Variants in PTPRE observed in about 807,000 individuals in gnomAD.
PTPRE encodes receptor-type tyrosine-protein phosphatase epsilon.
PTPRE carries 51 observed loss-of-function variants against 102.0 expected under a neutral mutation model. That is an observed-to-expected ratio of 0.50 (90% CI 0.40 to 0.63). The LOEUF is 0.63. Ranked by LOEUF, PTPRE falls within the 30% of genes least tolerant of loss-of-function variation. PTPRE has a pLI of 0.00. For missense variants in PTPRE, 752 were observed against 915.1 expected, an observed-to-expected ratio of 0.82 and a Z score of 2.30; for synonymous variants, 345 against 348.2, an observed-to-expected ratio of 0.99 and a Z score of 0.10.
chr10:127,910,189 C>T (rs1015402309), intron 1 of PTPRE, among the ~76,000 whole-genome samples: 2 of 152,202 alleles, frequency 1.3e-5, no homozygotes, highest in African/African-American at 4.8e-5. Context: ...CTAAGAACAT[C>T]TCTAGTTTTT....
At chr10:127,997,688 A>G (rs1329999787) in intron 2 of PTPRE, among the ~76,000 whole-genome samples, 1 of 152,264 alleles carries the variant, frequency 6.6e-6, no homozygotes, top group East Asian at 1.9e-4. Context: ...TCAAAAATGA[A>G]TATGGCAAAA....
At chr10:128,052,970 C>T (rs904309724) in intron 6 of PTPRE, among the ~76,000 whole-genome samples, 12 of 152,108 alleles carry the variant, frequency 7.9e-5, no homozygotes, top group Admixed American at 1.3e-4. Context: ...ATCTCTAGGC[C>T]GGGTGTGGTG....
At chr10:128,002,000 G>A (rs1242747643) in intron 2 of PTPRE, among the ~76,000 whole-genome samples, 1 of 152,200 alleles carries the variant, frequency 6.6e-6, no homozygotes, top group Non-Finnish European at 1.5e-5. Context: ...ATCTCTGCAG[G>A]CTGGAGGGCT....
intron 7 of PTPRE, among the ~76,000 whole-genome samples, chr10:128,058,560 T>C (rs1849218114): frequency 6.6e-6 from 1 of 152,186 alleles, no homozygotes; most frequent in African/African-American, 2.4e-5. Flanking sequence ...ATGGAGACGC[T>C]GTGGCCTGGC....
At chr10:127,934,024 G>GCGCACACA (rs1357914217) in intron 1 of PTPRE, 88 of 82,346 alleles carry the variant, frequency 1.1e-3, no homozygotes, top group African/African-American at 3.8e-3. Context: ...CACCCCCCGC[G>GCGCACACA]CACACACACA....
chr10:128,035,497 A>T (rs966019758), intron 2 of PTPRE, among the ~76,000 whole-genome samples: 3 of 152,184 alleles, frequency 2.0e-5, no homozygotes, highest in Non-Finnish European at 4.4e-5. Context: ...ATTACATGGG[A>T]CCCATTCCAG....
At chr10:128,035,649 C>T (rs892573577) in intron 2 of PTPRE, among the ~76,000 whole-genome samples, 4 of 152,154 alleles carry the variant, frequency 2.6e-5, no homozygotes, top group South Asian at 2.1e-4. Context: ...GTGATGGGTT[C>T]GGGCTGCAGA....
intron 1 of PTPRE, among the ~76,000 whole-genome samples, chr10:127,968,545 G>T (rs1375709771): frequency 6.6e-6 from 1 of 152,204 alleles, no homozygotes; most frequent in Non-Finnish European, 1.5e-5. Context: ...TCTGCAGATC[G>T]TTCTTTCTGG....
chr10:128,003,827 C>A (rs976181835), intron 2 of PTPRE, among the ~76,000 whole-genome samples: 1 of 152,072 alleles, frequency 6.6e-6, no homozygotes, highest in Admixed American at 6.5e-5. Flanking sequence ...ATGATTAATA[C>A]AGAAAGGAAC....
intron 2 of PTPRE, among the ~76,000 whole-genome samples, chr10:128,032,896 T>C (rs1846891222): frequency 6.6e-6 from 1 of 152,234 alleles, no homozygotes; most frequent in African/African-American, 2.4e-5. Context: ...TATGTTTCAA[T>C]AGAACTTTCT....
chr10:128,069,606 C>T lies in PTPRE; in HGVS notation c.1008-86C>T, dbSNP rs531443945. The T allele has an allele frequency of 1.5e-4, 227 of 1,541,152 alleles. No individual in the cohort carries two copies. In the African/African-American group the frequency reaches 2.7e-3, roughly 18 times the overall value. ...AAAAACAAAAAGTTGCATCCAGTGA[C>T]CTGGGTGCGCAGGCCCCTTCGGGGC... On this transcript the variant is annotated intron_variant, in intron 12 of 20. Transcript: ENST00000254667.
At chr10:127,976,557 C>T (rs1297975651) in intron 1 of PTPRE, among the ~76,000 whole-genome samples, 2 of 152,146 alleles carry the variant, frequency 1.3e-5, no homozygotes, top group Non-Finnish European at 2.9e-5. Flanking sequence ...ATTTAGAAGT[C>T]CTGCTCGTCT....
chr10:128,025,559 G>A (rs200172723), intron 2 of PTPRE, among the ~76,000 whole-genome samples: 4 of 152,248 alleles, frequency 2.6e-5, no homozygotes, highest in Middle Eastern at 6.8e-3. Flanking sequence ...CGTCAGAGCC[G>A]GACCCTGTGC....
chr10:128,005,011 G>A (rs2135574953), intron 2 of PTPRE, among the ~76,000 whole-genome samples: 1 of 152,294 alleles, frequency 6.6e-6, no homozygotes, highest in African/African-American at 2.4e-5. Context: ...ATCTTTTCAT[G>A]CACTTTCTGG....
chr10:128,022,610 C>T (rs1171139978), intron 2 of PTPRE, among the ~76,000 whole-genome samples: 1 of 152,214 alleles, frequency 6.6e-6, no homozygotes, highest in East Asian at 1.9e-4. Context: ...CCTCCAGAGG[C>T]CCCTCCAGAA....
At position 128,082,960 on chromosome 10, in the gene PTPRE, A is replaced by G. The variant is rs766865146; in HGVS notation, c.*54A>G. 2 of 1,418,588 alleles carry G rather than the reference A, an allele frequency of 1.4e-6. No homozygotes were observed. Among genetic ancestry groups the G allele is most frequent in the Non-Finnish European group, 1.9e-6 (2 of 1,069,190 alleles). The allele number at this position is 1,418,588 out of a possible 1,614,324, so 87.9% of individuals were successfully genotyped here. A position where few individuals can be genotyped will look rare whatever the true frequency, so the allele number is the denominator to read the frequency against. ...TTAATGGTCAGTATATTTTGTAAAA[A>G]TCATGTTAATTTATTTCATAGTTGA... On this transcript the variant is annotated 3_prime_UTR_variant, in exon 21 of 21. Transcript: ENST00000254667.
chr10:127,964,446 C>T (rs1850080136), intron 1 of PTPRE, among the ~76,000 whole-genome samples: 2 of 152,210 alleles, frequency 1.3e-5, no homozygotes, highest in South Asian at 4.1e-4. Context: ...GCTGGGATTA[C>T]AGGCATGAGC....
At position 128,072,206 on chromosome 10, in the gene PTPRE, T is replaced by C; in HGVS notation, c.1456T>C (p.Phe486Leu). ...QEYTDYINAS[F>L]IDGYRQKDYF... ...ATACACAGACTACATCAACGCATCCTTCATAGACGTACGTATGCTGGCCTG... is the reference window on the plus strand; with the variant it reads ...ATACACAGACTACATCAACGCATCCCTCATAGACGTACGTATGCTGGCCTG... Residue 486 changes from phenylalanine (F) to leucine (L), a missense_variant, in exon 16 of 21, where the codon TTC (phenylalanine) becomes CTC (leucine). Coordinates refer to ENST00000254667, the MANE Select transcript of PTPRE (RefSeq NM_006504.6). 1 of 1,613,500 alleles carries C rather than the reference T, an allele frequency of 6.2e-7. No individual in the cohort carries two copies. The highest frequency in any genetic ancestry group is 8.5e-7 in the Non-Finnish European group (1 of 1,179,570).
In PTPRE at chr10:128,070,463, G is replaced by A. The variant is rs1262572484; in HGVS notation, c.1293+13G>A. 1 of 1,610,568 alleles carries A rather than the reference G, an allele frequency of 6.2e-7. No individual in the cohort carries two copies. Among genetic ancestry groups the A allele is most frequent in the Admixed American group, 1.7e-5 (1 of 59,600 alleles). On this transcript the variant is annotated intron_variant, in intron 14 of 20. Transcript: ENST00000254667. This position sits in a 1 kb window ranked among gnomAD's most constrained non-coding sequence, Gnocchi z 4.8. ...GGAGGAGTTCAGGGTGAGTACAGCT[G>A]ACCCTCCTCTCCATCCTGGTGTAAG...
Sources: gnomAD v4.1 joint callset for allele counts (sites outside exome capture counted in the v4.1 genomes callset) on GRCh38, gnomAD v4.1.1 for gene constraint, Gnocchi (gnomAD v3.1) non-coding constraint, MANE v1.5 for transcripts, NCBI Gene and HGNC (gene_info 2026-07-23, HGNC 2026-07-21) for gene names.